Variants in DLG2 observed in about 807,000 individuals in gnomAD.
The protein encoded by DLG2 is discs large MAGUK scaffold protein 2.
A neutral mutation model predicts 132.5 loss-of-function variants in DLG2; 45 were observed. The observed-to-expected ratio is 0.34, with a 90% CI of 0.27 to 0.44. The LOEUF is 0.44. Among genes scored for constraint, DLG2 ranks in the 20% least tolerant of loss-of-function variants. The pLI is 1.00. For synonymous variants in DLG2, 424 were observed against 419.6 expected, an observed-to-expected ratio of 1.01 and a Z score of -0.13; for missense variants, 1,045 against 1,196.9, an observed-to-expected ratio of 0.87 and a Z score of 1.87.
intron 20 of DLG2, among the ~76,000 whole-genome samples, chr11:83,536,441 G>A (rs1472642746): frequency 1.3e-5 from 2 of 152,120 alleles, no homozygotes; most frequent in Non-Finnish European, 1.5e-5. Flanking sequence ...GGCTATGTCT[G>A]TGGCTTAGCT....
intron 7 of DLG2, among the ~76,000 whole-genome samples, chr11:84,341,312 G>A (rs1048369249): frequency 1.3e-5 from 2 of 152,050 alleles, no homozygotes; most frequent in Non-Finnish European, 2.9e-5. Context: ...AATTGGTGGT[G>A]GTAGTAGTTG....
In DLG2 at chr11:84,163,449, A is replaced by T. The variant is rs1566770303; in HGVS notation, c.624+12T>A. The T allele has an allele frequency of 6.2e-7, 1 of 1,601,944 alleles. No homozygotes were observed. On this transcript the variant is annotated intron_variant, in intron 9 of 27. Coordinates refer to ENST00000376104, the MANE Select transcript of DLG2 (RefSeq NM_001142699.3). ...AGATTGGGGCTTTGGATTTTTCAAA[A>T]TTTTTTCTTACCCTCTCCAGTGTAA...
At chr11:84,787,470 C>A (rs1240829514) in intron 6 of DLG2, among the ~76,000 whole-genome samples, 1 of 152,122 alleles carries the variant, frequency 6.6e-6, no homozygotes, top group East Asian at 1.9e-4. Context: ...AGCTCCACTA[C>A]AAAGTTTTTC....
At chr11:84,949,649 T>C (rs1485224128) in intron 6 of DLG2, among the ~76,000 whole-genome samples, 4 of 152,202 alleles carry the variant, frequency 2.6e-5, no homozygotes, top group African/African-American at 4.8e-5. Flanking sequence ...AAGAGAAATA[T>C]GGCTCTGTTC....
chr11:83,581,775 C>A (rs548661360), intron 19 of DLG2, among the ~76,000 whole-genome samples: 2 of 152,170 alleles, frequency 1.3e-5, no homozygotes, highest in African/African-American at 4.8e-5. Context: ...TGAGGAAATA[C>A]CTACTGTTTC....
At chr11:83,986,084 G>C (rs1230227929) in intron 11 of DLG2, among the ~76,000 whole-genome samples, 1 of 150,952 alleles carries the variant, frequency 6.6e-6, no homozygotes, top group African/African-American at 2.4e-5. Flanking sequence ...TATACTTTAA[G>C]TTTTAGGGTA....
chr11:83,924,467 T>C (rs1318006033), intron 15 of DLG2, among the ~76,000 whole-genome samples: 2 of 152,160 alleles, frequency 1.3e-5, no homozygotes, highest in East Asian at 1.9e-4. Flanking sequence ...TTCTCTTCTC[T>C]GAGAAGTAAA....
chr11:84,104,059 T>G (rs2092727878), intron 9 of DLG2, among the ~76,000 whole-genome samples: 1 of 152,144 alleles, frequency 6.6e-6, no homozygotes, highest in Non-Finnish European at 1.5e-5. Flanking sequence ...AACTGAAAAC[T>G]GACATCCATA....
chr11:83,493,327 TTTTC>T (rs982669532), intron 21 of DLG2, among the ~76,000 whole-genome samples: 30 of 144,442 alleles, frequency 2.1e-4, no homozygotes, highest in South Asian at 9.1e-4. Flanking sequence ...TTCCTTTGTC[TTTTC>T]TTTCTTTCCT....
At chr11:84,758,798 A>G (rs2067220879) in intron 6 of DLG2, among the ~76,000 whole-genome samples, 1 of 152,212 alleles carries the variant, frequency 6.6e-6, no homozygotes, top group Non-Finnish European at 1.5e-5. Context: ...AAGGTAACGT[A>G]GATTCACTAA....
intron 11 of DLG2, among the ~76,000 whole-genome samples, chr11:84,039,122 T>C (rs1014242532): frequency 2.0e-5 from 3 of 152,106 alleles, no homozygotes; most frequent in Admixed American, 6.6e-5. Context: ...CAGGATTTTG[T>C]TCCATTTCAG....
intron 7 of DLG2, among the ~76,000 whole-genome samples, chr11:84,403,379 A>G (rs1053490661): frequency 6.6e-6 from 1 of 152,188 alleles, no homozygotes; most frequent in East Asian, 1.9e-4. Context: ...AACGGTCCCC[A>G]GTTTCCCTGA....
chr11:85,491,323 G>C (rs1273676566), intron 3 of DLG2, among the ~76,000 whole-genome samples: 1 of 152,018 alleles, frequency 6.6e-6, no homozygotes, highest in Non-Finnish European at 1.5e-5. Flanking sequence ...TACTGAATAG[G>C]AAAAAGATGA....
chr11:85,312,612 T>G (rs146134211), intron 3 of DLG2, among the ~76,000 whole-genome samples: 1 of 151,922 alleles, frequency 6.6e-6, no homozygotes, highest in Non-Finnish European at 1.5e-5. Context: ...TTGACTCTGA[T>G]AAACAAAATT....
At chr11:83,642,217 G>A (rs2066773318) in intron 18 of DLG2, among the ~76,000 whole-genome samples, 1 of 152,170 alleles carries the variant, frequency 6.6e-6, no homozygotes, top group Admixed American at 6.6e-5. Context: ...AAATGCTAAC[G>A]TAAGTGCTTG....
At chr11:84,102,459 T>C (rs1159134830) in intron 9 of DLG2, among the ~76,000 whole-genome samples, 1 of 152,124 alleles carries the variant, frequency 6.6e-6, no homozygotes, top group Non-Finnish European at 1.5e-5. Context: ...GAATACAATA[T>C]GGAAGTAGAA....
chr11:84,994,147 A>G (rs1317691296), intron 6 of DLG2, among the ~76,000 whole-genome samples: 1 of 152,288 alleles, frequency 6.6e-6, no homozygotes, highest in Non-Finnish European at 1.5e-5. Flanking sequence ...AACATTTGGG[A>G]TTGGTTTGGG....
At chr11:84,023,406 T>C (rs191380270) in intron 11 of DLG2, among the ~76,000 whole-genome samples, 20 of 152,290 alleles carry the variant, frequency 1.3e-4, no homozygotes, top group Admixed American at 1.2e-3. Context: ...GTTTCTATTA[T>C]CTCTATTTTA....
intron 6 of DLG2, among the ~76,000 whole-genome samples, chr11:84,704,862 C>T (rs1024564296): frequency 6.7e-5 from 10 of 148,298 alleles, no homozygotes; most frequent in Admixed American, 2.0e-4. Context: ...TATATATATA[C>T]ACACACACAC....
Sources: gnomAD v4.1 joint callset for allele counts (sites outside exome capture counted in the v4.1 genomes callset) on GRCh38, gnomAD v4.1.1 for gene constraint, MANE v1.5 for transcripts, NCBI Gene and HGNC (gene_info 2026-07-23, HGNC 2026-07-21) for gene names.